Variants in RAPGEF2 observed in about 807,000 individuals in gnomAD.
RAPGEF2 encodes the protein Rap guanine nucleotide exchange factor 2.
RAPGEF2 carries 54 observed loss-of-function variants against 186.7 expected under a neutral mutation model. The ratio of observed to expected loss-of-function variants is 0.29; its 90% CI spans 0.23 to 0.36. RAPGEF2 has a LOEUF of 0.36. RAPGEF2 is among the 10% of genes least tolerant of loss of function. The pLI, the probability that RAPGEF2 is intolerant of heterozygous loss-of-function variation, is 1.00. For missense variants in RAPGEF2, 1,532 were observed against 2,045.0 expected, an observed-to-expected ratio of 0.75 and a Z score of 4.84; for synonymous variants, 712 against 705.9, an observed-to-expected ratio of 1.01 and a Z score of -0.14.
At chr4:159,250,665 CT>C (rs34304252) in intron 7 of RAPGEF2, among the ~76,000 whole-genome samples, 2,367 of 122,918 alleles carry the variant, frequency 0.019, 19 homozygotes, top group Non-Finnish European at 0.023. Context: ...TAGCACTCTT[CT>C]TTTTTTTTTT....
rs1406443676 is a variant in RAPGEF2 at position 159,186,718 on chromosome 4, T to A, written c.140+6T>A. 2 of 1,415,510 alleles carry A rather than the reference T, an allele frequency of 1.4e-6. No individual in the cohort carries two copies. The highest frequency in any genetic ancestry group is 1.9e-6 in the Non-Finnish European group (2 of 1,048,996). 87.7% of individuals were successfully genotyped at this position (1,415,510 alleles called of 1,614,324 possible). On this transcript the variant is annotated splice_donor_region_variant and intron_variant, in intron 2 of 29. Transcript: ENST00000691494. ...TTGAGGGAGCATCAACTTAGGTATG[T>A]CATTTTAATATTCAGTTAATCATAG...
chr4:159,154,011 T>C (rs112159242), intron 1 of RAPGEF2, among the ~76,000 whole-genome samples: 226 of 152,242 alleles, frequency 1.5e-3, no homozygotes, highest in African/African-American at 5.1e-3. Context: ...ATAAACTGAG[T>C]GGTTAGATAC....
intron 25 of RAPGEF2, among the ~76,000 whole-genome samples, chr4:159,348,277 TGG>T (rs1730686163): frequency 6.6e-6 from 1 of 151,420 alleles, no homozygotes; most frequent in East Asian, 1.9e-4. Flanking sequence ...GATGGATGGA[TGG>T]ATGGATAGAT....
intron 1 of RAPGEF2, among the ~76,000 whole-genome samples, chr4:159,174,229 G>C (rs1417596427): frequency 6.6e-6 from 1 of 152,158 alleles, no homozygotes; most frequent in Non-Finnish European, 1.5e-5. Context: ...ATGCATTTTA[G>C]GTTGCTAAAC....
At chr4:159,135,622 G>A (rs976037941) in intron 1 of RAPGEF2, among the ~76,000 whole-genome samples, 2 of 151,676 alleles carry the variant, frequency 1.3e-5, no homozygotes, top group East Asian at 1.9e-4. Context: ...TTTTTGAGAC[G>A]GAGTTTTGCT....
At chr4:159,245,986 C>T (rs759977374) in intron 7 of RAPGEF2, among the ~76,000 whole-genome samples, 2 of 152,044 alleles carry the variant, frequency 1.3e-5, no homozygotes, top group Non-Finnish European at 2.9e-5. Context: ...CCTACTTACC[C>T]AAAAATATGG....
intron 7 of RAPGEF2, among the ~76,000 whole-genome samples, chr4:159,246,013 T>C (rs1754589720): frequency 6.6e-6 from 1 of 152,110 alleles, no homozygotes. Flanking sequence ...TTTATACAAA[T>C]CTGAATCAGG....
rs1454789513 is a variant in RAPGEF2 at position 159,274,669 on chromosome 4, T to TCCATATAG, written c.544-29672_544-29665dup. On this transcript the variant is annotated intron_variant, in intron 7 of 29. Transcript: ENST00000691494. The stretch of plus-strand genomic sequence containing the variant: ...AGACATGACACATGCTTGTGATATT[T>TCCATATAG]CCATATAGTATTAAGATGCCAGTGC... Among the ~76,000 whole-genome samples the TCCATATAG allele has an allele frequency of 2.0e-5, 3 of 152,296 alleles. No homozygotes were observed. The South Asian group carries it at 6.2e-4, about 32-fold the overall frequency.
At chr4:159,223,789 A>G (rs1751757389) in intron 4 of RAPGEF2, among the ~76,000 whole-genome samples, 1 of 152,140 alleles carries the variant, frequency 6.6e-6, no homozygotes, top group Non-Finnish European at 1.5e-5. Context: ...ATTTCTGTTT[A>G]CCTCTTTTCA....
chr4:159,229,823 G>A (rs1752432443), intron 4 of RAPGEF2, among the ~76,000 whole-genome samples: 1 of 152,192 alleles, frequency 6.6e-6, no homozygotes, highest in South Asian at 2.1e-4. Flanking sequence ...TAGTCATACT[G>A]AGGGAGTACT....
chr4:159,171,697 A>G (rs1745923560), intron 1 of RAPGEF2, among the ~76,000 whole-genome samples: 1 of 151,822 alleles, frequency 6.6e-6, no homozygotes, highest in African/African-American at 2.4e-5. Flanking sequence ...TTTTTTTTTA[A>G]GAATCTTTCA....
intron 17 of RAPGEF2, among the ~76,000 whole-genome samples, 159 bp from the exon 18 acceptor site, chr4:159,338,152 G>C (rs1319239768): frequency 6.6e-6 from 1 of 152,012 alleles, no homozygotes; most frequent in Non-Finnish European, 1.5e-5. Flanking sequence ...CACTTAAGCA[G>C]TAGTTGCTTT....
chr4:159,304,319 A>T, intron 7 of RAPGEF2, 23 bp from the exon 8 acceptor site: 1 of 1,572,086 alleles, frequency 6.4e-7, no homozygotes, highest in Non-Finnish European at 8.7e-7. Flanking sequence ...TTGTAATCCT[A>T]GTTTTTCCTG....
chr4:159,228,391 G>T (rs1357613124), intron 4 of RAPGEF2: 1 of 152,184 alleles, frequency 6.6e-6, no homozygotes, highest in African/African-American at 2.4e-5. Flanking sequence ...TAAAATGTTA[G>T]TAGCTTAAGT....
At chr4:159,315,624 G>A (rs1171263316) in intron 9 of RAPGEF2, among the ~76,000 whole-genome samples, 1 of 152,296 alleles carries the variant, frequency 6.6e-6, no homozygotes, top group African/African-American at 2.4e-5. Flanking sequence ...CAAAGGGGCA[G>A]GATAAGGAGT....
chr4:159,308,115 TTGTC>T (rs1175129828), intron 8 of RAPGEF2, among the ~76,000 whole-genome samples: 2 of 152,326 alleles, frequency 1.3e-5, no homozygotes, highest in Non-Finnish European at 2.9e-5. Context: ...TATCATCTGA[TTGTC>T]TGTGAAACCA....
At chr4:159,188,144 T>A (rs1747739354) in intron 2 of RAPGEF2, among the ~76,000 whole-genome samples, 1 of 151,702 alleles carries the variant, frequency 6.6e-6, no homozygotes, top group Non-Finnish European at 1.5e-5. Context: ...ACAACTTTGC[T>A]AAGAAAAAAT....
chr4:159,346,517 A>C, intron 24 of RAPGEF2, among the ~76,000 whole-genome samples: 1 of 152,166 alleles, frequency 6.6e-6, no homozygotes, highest in East Asian at 1.9e-4. Flanking sequence ...ACATTTTTCT[A>C]TATTTTTAAT....
chr4:159,181,345 A>T (rs963681628), intron 1 of RAPGEF2, among the ~76,000 whole-genome samples: 6 of 152,214 alleles, frequency 3.9e-5, no homozygotes, highest in Middle Eastern at 3.4e-3. Flanking sequence ...GCTTTTAAAA[A>T]TTTTATTTAT....
Sources: allele counts gnomAD v4.1 joint callset (sites outside exome capture counted in the v4.1 genomes callset), GRCh38; gene constraint gnomAD v4.1.1; transcripts MANE v1.5; gene names NCBI Gene and HGNC (gene_info 2026-07-23, HGNC 2026-07-21).